Variants in DLG2 observed in about 807,000 individuals in gnomAD.
DLG2 encodes disks large homolog 2.
DLG2 carries 45 observed loss-of-function variants against 132.5 expected under a neutral mutation model. That is an observed-to-expected ratio of 0.34 (90% CI 0.27 to 0.44). DLG2 has a LOEUF of 0.44. Among genes scored for constraint, DLG2 ranks in the 20% least tolerant of loss-of-function variants. The probability of loss-of-function intolerance (pLI) is 1.00; values close to 1 mark genes in which losing one functional copy is unlikely to be tolerated. For synonymous variants in DLG2, 424 were observed against 419.6 expected (o/e 1.01, Z -0.13); for missense variants, 1,045 against 1,196.9 (o/e 0.87, Z 1.87).
intron 10 of DLG2, among the ~76,000 whole-genome samples, chr11:84,062,855 A>C (rs941029535): frequency 6.6e-6 from 1 of 152,134 alleles, no homozygotes; most frequent in Non-Finnish European, 1.5e-5. Context: ...TTCCTCCCAG[A>C]AACTTGAAAT....
At chr11:84,361,367 C>G (rs999698205) in intron 7 of DLG2, among the ~76,000 whole-genome samples, 24 of 151,908 alleles carry the variant, frequency 1.6e-4, no homozygotes, top group African/African-American at 5.8e-4. Flanking sequence ...CCATAAAGAA[C>G]AAAGGATGAC....
At chr11:83,723,098 C>T (rs911381380) in intron 18 of DLG2, among the ~76,000 whole-genome samples, 5 of 152,046 alleles carry the variant, frequency 3.3e-5, no homozygotes, top group African/African-American at 7.2e-5. Flanking sequence ...AACAACAAAA[C>T]GGCCAGGGGT....
chr11:85,127,363 C>G (rs2075252978), intron 5 of DLG2, among the ~76,000 whole-genome samples: 1 of 124,420 alleles, frequency 8.0e-6, no homozygotes, highest in Non-Finnish European at 1.8e-5. Context: ...TTAATTTTCA[C>G]TTCCTCAGGA....
At chr11:85,545,705 G>A (rs533545915) in intron 3 of DLG2, among the ~76,000 whole-genome samples, 1 of 152,106 alleles carries the variant, frequency 6.6e-6, no homozygotes, top group Admixed American at 6.6e-5. Flanking sequence ...CTTCTTCCTG[G>A]TTTAGTCTTG....
At chr11:85,357,518 T>C (rs535734762) in intron 3 of DLG2, among the ~76,000 whole-genome samples, 1 of 145,358 alleles carries the variant, frequency 6.9e-6, no homozygotes, top group African/African-American at 2.6e-5. Flanking sequence ...GGCACTGTTG[T>C]AATTGTTTTT....
intron 6 of DLG2, among the ~76,000 whole-genome samples, chr11:84,760,796 G>A (rs1024568371): frequency 5.3e-5 from 8 of 152,144 alleles, no homozygotes. Context: ...GAATGATGTG[G>A]TAGAGAAAGA....
intron 15 of DLG2, among the ~76,000 whole-genome samples, chr11:83,912,456 G>A (rs1300319542): frequency 6.6e-6 from 1 of 152,088 alleles, no homozygotes; most frequent in Non-Finnish European, 1.5e-5. Context: ...ACAAAAAATG[G>A]CACCGTGAAA....
chr11:84,185,943 C>T (rs538476842), intron 8 of DLG2, among the ~76,000 whole-genome samples: 3 of 152,206 alleles, frequency 2.0e-5, no homozygotes, highest in South Asian at 2.1e-4. Context: ...GGATCCAAAA[C>T]TCTTCGTTAT....
chr11:84,994,785 C>T (rs567106621), intron 6 of DLG2, among the ~76,000 whole-genome samples: 60 of 152,174 alleles, frequency 3.9e-4, no homozygotes, highest in South Asian at 6.2e-4. Flanking sequence ...GAATAATTTA[C>T]AGATAATGGG....
chr11:84,020,034 T>C (rs2095344182), intron 11 of DLG2, among the ~76,000 whole-genome samples: 3 of 152,032 alleles, frequency 2.0e-5, no homozygotes, highest in African/African-American at 7.2e-5. Context: ...CATGGAGAAC[T>C]TGCCTGTGGG....
At chr11:84,159,321 T>C (rs1365137332) in intron 9 of DLG2, among the ~76,000 whole-genome samples, 1 of 152,034 alleles carries the variant, frequency 6.6e-6, no homozygotes, top group South Asian at 2.1e-4. Flanking sequence ...TAAGTAATAA[T>C]AAAATGGGAA....
chr11:83,930,543 G>A, intron 14 of DLG2, 60 bp from the exon 15 acceptor site: 1 of 1,480,654 alleles, frequency 6.8e-7, no homozygotes, highest in Non-Finnish European at 9.2e-7. Context: ...GAACACCTGT[G>A]CAACCAGTAG....
At chr11:85,093,311 T>G (rs546568603) in intron 6 of DLG2, among the ~76,000 whole-genome samples, 428 of 16,742 alleles carry the variant, frequency 0.026, 5 homozygotes, top group African/African-American at 0.25. Flanking sequence ...GAGTTTTTGT[T>G]TTTTTTTTGT....
intron 6 of DLG2, among the ~76,000 whole-genome samples, chr11:84,611,828 A>G (rs1289751531): frequency 3.3e-5 from 5 of 152,192 alleles, no homozygotes; most frequent in African/African-American, 1.2e-4. Context: ...TGTTTATGCT[A>G]GCAAAATATC....
At chr11:83,732,247 A>T (rs1182434110) in intron 18 of DLG2, among the ~76,000 whole-genome samples, 1 of 152,188 alleles carries the variant, frequency 6.6e-6, no homozygotes, top group Non-Finnish European at 1.5e-5. Context: ...AAATAATTAA[A>T]TTAATTATTT....
At position 84,850,319 on chromosome 11, in the gene DLG2, G is replaced by A. The variant is rs77615114; in HGVS notation, c.357+261342C>T. Among the ~76,000 whole-genome samples the A allele has an allele frequency of 6.9e-3, 1,044 of 152,194 alleles. 16 individuals are homozygous for A. The highest frequency in any genetic ancestry group is 0.024 in the African/African-American group (979 of 41,534). ...GAGAGAAGTCTGAAGACTTAGAGGA[G>A]GAAGAGTCTGAATTGCTAAATGACT... On this transcript the variant is annotated intron_variant, in intron 6 of 27. Coordinates refer to ENST00000376104, the MANE Select transcript of DLG2 (RefSeq NM_001142699.3).
chr11:84,112,188 CGGGGT>C (rs2093385628), intron 9 of DLG2, among the ~76,000 whole-genome samples: 2 of 151,800 alleles, frequency 1.3e-5, no homozygotes, highest in African/African-American at 4.8e-5. Flanking sequence ...TTAGTAGAAA[CGGGGT>C]TTCGCCGTGT....
chr11:83,619,268 G>A (rs903612264), intron 19 of DLG2, among the ~76,000 whole-genome samples: 1 of 152,088 alleles, frequency 6.6e-6, no homozygotes, highest in African/African-American at 2.4e-5. Flanking sequence ...TATTACTGAG[G>A]GAGTTGCACT....
chr11:84,304,120 A>G (rs73521722), intron 7 of DLG2, among the ~76,000 whole-genome samples: 1 of 152,334 alleles, frequency 6.6e-6, no homozygotes, highest in African/African-American at 2.4e-5. Context: ...CAAGACATAC[A>G]GGTATTGAAC....
Sources: gnomAD v4.1 joint callset for allele counts (sites outside exome capture counted in the v4.1 genomes callset) on GRCh38, gnomAD v4.1.1 for gene constraint, MANE v1.5 for transcripts, NCBI Gene and HGNC (gene_info 2026-07-23, HGNC 2026-07-21) for gene names.